The following CCSER1 variants were observed in gnomAD, a reference collection of about 807,000 sequenced individuals.
CCSER1 encodes serine-rich coiled-coil domain-containing protein 1.
Under a neutral mutation model 82.0 loss-of-function variants are expected in CCSER1, and 41 were observed. The ratio of observed to expected loss-of-function variants is 0.50; its 90% CI spans 0.39 to 0.65. The LOEUF (loss-of-function observed/expected upper bound fraction) is 0.65, where lower values mean the gene tolerates loss of function less well. Among genes scored for constraint, CCSER1 ranks in the 30% least tolerant of loss-of-function variants. CCSER1 has a pLI of 0.00. For missense variants in CCSER1, 1,119 were observed against 1,064.2 expected (o/e 1.05, Z -0.72); for synonymous variants, 414 against 383.9 (o/e 1.08, Z -0.92).
At chr4:90,426,384 G>A (rs1757533592) in intron 4 of CCSER1, among the ~76,000 whole-genome samples, 1 of 152,100 alleles carries the variant, frequency 6.6e-6, no homozygotes, top group Admixed American at 6.6e-5. Flanking sequence ...TATATTCAGG[G>A]GAAAGAGATA....
chr4:91,431,548 AC>A (rs951285705), intron 10 of CCSER1, among the ~76,000 whole-genome samples: 1 of 150,590 alleles, frequency 6.6e-6, no homozygotes, highest in African/African-American at 2.4e-5. Flanking sequence ...GCTCACGGCA[AC>A]CTCTGCCTCC....
intron 9 of CCSER1, among the ~76,000 whole-genome samples, chr4:91,075,062 G>C (rs541291315): frequency 6.6e-6 from 1 of 152,212 alleles, no homozygotes; most frequent in African/African-American, 2.4e-5. Flanking sequence ...TGAAGGGGTA[G>C]ATCTCTTCCC....
intron 10 of CCSER1, among the ~76,000 whole-genome samples, chr4:91,371,672 G>T (rs938875200): frequency 2.0e-5 from 3 of 152,056 alleles, no homozygotes; most frequent in African/African-American, 2.4e-5. Context: ...ACTGATTTCT[G>T]TTCTTGTCCT....
At chr4:91,560,471 A>AAAAC (rs1180321051) in intron 10 of CCSER1, among the ~76,000 whole-genome samples, 4 of 151,666 alleles carry the variant, frequency 2.6e-5, no homozygotes, top group Non-Finnish European at 5.9e-5. Flanking sequence ...TATTTAAAAC[A>AAAAC]AAACAATTTT....
In CCSER1 at chr4:90,308,762, G is replaced by A. The variant is rs1734781965; in HGVS notation, c.478G>A (p.Asp160Asn). 2 of 1,613,818 alleles carry A rather than the reference G, an allele frequency of 1.2e-6. No individual in the cohort carries two copies. The highest frequency in any genetic ancestry group is 8.5e-7 in the Non-Finnish European group (1 of 1,179,860). ...NCLSSGKSEG[D>N]DSGFTEDQTR... is the part of the protein sequence containing the mutation. ...TCTAAGTTCTGGCAAAAGTGAAGGG[G>A]ATGATTCTGGTTTCACAGAAGACCA... The change falls in exon 2 of 11, where the codon GAT becomes AAT. Residue 160 changes from aspartate to asparagine, a missense_variant. Asp to Asn is a conservative substitution (Grantham distance 23). Transcript: ENST00000509176.
intron 9 of CCSER1, among the ~76,000 whole-genome samples, chr4:90,982,151 T>G (rs1236473718): frequency 6.6e-6 from 1 of 151,850 alleles, no homozygotes; most frequent in Non-Finnish European, 1.5e-5. Flanking sequence ...TTTTAAAATC[T>G]GAGACATTCA....
chr4:90,620,792 G>T (rs1234035711), intron 5 of CCSER1, among the ~76,000 whole-genome samples: 1 of 151,954 alleles, frequency 6.6e-6, no homozygotes, highest in African/African-American at 2.4e-5. Flanking sequence ...AAGAAACAAT[G>T]ACCTCTTTTC....
rs151152636 is a variant in CCSER1 at position 90,385,781 on chromosome 4, T to G, written c.1510-14255T>G. Among the ~76,000 whole-genome samples the G allele has an allele frequency of 7.8e-3, 1,188 of 152,272 alleles. 17 individuals carry two copies. Among genetic ancestry groups the G allele is most frequent in the African/African-American group, 0.024 (1,013 of 41,560 alleles). On this transcript the variant is annotated intron_variant, in intron 3 of 10. Coordinates refer to ENST00000509176, the MANE Select transcript of CCSER1 (RefSeq NM_001145065.2). ...TTCATATATTTCTTGGCCATTTGTA[T>G]ATCTTCTTTTGAAAAATGTCTATTC... is the stretch of plus-strand genomic sequence containing the variant.
chr4:90,914,388 A>G (rs1726947032), intron 8 of CCSER1, among the ~76,000 whole-genome samples: 1 of 152,196 alleles, frequency 6.6e-6, no homozygotes, highest in Non-Finnish European at 1.5e-5. Context: ...CTGCTCCTGA[A>G]TGACTGCTCG....
At chr4:90,912,866 T>A (rs1726639424) in intron 8 of CCSER1, among the ~76,000 whole-genome samples, 1 of 151,958 alleles carries the variant, frequency 6.6e-6, no homozygotes, top group South Asian at 2.1e-4. Context: ...GCTGATTCGA[T>A]CAACTGGAAG....
At position 91,588,866 on chromosome 4, in the gene CCSER1, A is replaced by G. The variant is rs539326906; in HGVS notation, c.2218-9706A>G. ...TAAATCAATTATTAGTAAGAGCCTC[A>G]GCTTTCCATGTATAAAAATGCCTTT... is the stretch of plus-strand genomic sequence containing the variant. On this transcript the variant is annotated intron_variant, in intron 10 of 10. Coordinates refer to ENST00000509176, the MANE Select transcript of CCSER1 (RefSeq NM_001145065.2). Among the ~76,000 whole-genome samples the G allele has an allele frequency of 9.9e-5, 15 of 151,948 alleles. No individual in the cohort carries two copies. The South Asian group carries it at 1.2e-3, about 13-fold the overall frequency.
chr4:90,486,611 G>T (rs967945626), intron 5 of CCSER1, among the ~76,000 whole-genome samples: 4 of 152,098 alleles, frequency 2.6e-5, no homozygotes, highest in African/African-American at 9.7e-5. Context: ...TACTTTCTAG[G>T]TTTTTGTCTT....
At chr4:90,865,562 C>T (rs75182031) in intron 8 of CCSER1, among the ~76,000 whole-genome samples, 2,474 of 152,044 alleles carry the variant, frequency 0.016, 70 homozygotes, top group African/African-American at 0.054. Context: ...TAGTATCTCA[C>T]ACACTAATTC....
chr4:90,281,529 G>C (rs1728852119), intron 1 of CCSER1, among the ~76,000 whole-genome samples: 1 of 151,980 alleles, frequency 6.6e-6, no homozygotes, highest in Non-Finnish European at 1.5e-5. Flanking sequence ...TATATATTCT[G>C]TAAAGAGTGT....
At chr4:91,356,815 G>A (rs540741861) in intron 10 of CCSER1, among the ~76,000 whole-genome samples, 1 of 152,130 alleles carries the variant, frequency 6.6e-6, no homozygotes, top group African/African-American at 2.4e-5. Flanking sequence ...AAGCTGGATG[G>A]CCCTCGGGGA....
At chr4:91,077,322 C>T (rs1477118750) in intron 9 of CCSER1, among the ~76,000 whole-genome samples, 1 of 152,164 alleles carries the variant, frequency 6.6e-6, no homozygotes, top group Non-Finnish European at 1.5e-5. Flanking sequence ...ACTTAACTGC[C>T]TGCCAGGAAC....
intron 7 of CCSER1, among the ~76,000 whole-genome samples, chr4:90,736,302 G>A (rs1228771238): frequency 2.6e-5 from 4 of 152,046 alleles, no homozygotes; most frequent in Non-Finnish European, 4.4e-5. Flanking sequence ...TGAATGTGGG[G>A]TGTTGAAGTC....
At chr4:91,283,843 G>A (rs1032910456) in intron 10 of CCSER1, among the ~76,000 whole-genome samples, 3 of 151,836 alleles carry the variant, frequency 2.0e-5, no homozygotes, top group South Asian at 2.1e-4. Context: ...GTACCTTCTC[G>A]CAGGCAATTA....
At chr4:91,285,779 C>T (rs1560566526) in intron 10 of CCSER1, among the ~76,000 whole-genome samples, 1 of 151,812 alleles carries the variant, frequency 6.6e-6, no homozygotes, top group Non-Finnish European at 1.5e-5. Flanking sequence ...CTGCATTACA[C>T]ATTAGAAGAA....
Sources: allele counts gnomAD v4.1 joint callset (sites outside exome capture counted in the v4.1 genomes callset), GRCh38; gene constraint gnomAD v4.1.1; transcripts MANE v1.5; gene names NCBI Gene and HGNC (gene_info 2026-07-23, HGNC 2026-07-21).